The following TMEM135 variants were observed in gnomAD, a reference collection of about 807,000 sequenced individuals.
The protein encoded by TMEM135 is peroxisomal membrane protein 52.
In TMEM135, 30 loss-of-function variants were observed where a neutral mutation model predicts 60.3. That is an observed-to-expected ratio of 0.50 (90% confidence interval 0.37 to 0.68). The LOEUF (loss-of-function observed/expected upper bound fraction) is 0.68. Among genes scored for constraint, TMEM135 ranks in the 30% least tolerant of loss-of-function variants. The probability of loss-of-function intolerance (pLI) is 0.00; values close to 1 mark genes in which losing one functional copy is unlikely to be tolerated. For missense variants in TMEM135, 468 were observed against 548.8 expected (o/e 0.85, Z 1.47); for synonymous variants, 190 against 186.7 (o/e 1.02, Z -0.14).
chr11:87,222,181 C>CAAA (rs386374401), intron 5 of TMEM135, among the ~76,000 whole-genome samples: 4,814 of 55,276 alleles, frequency 0.087, 457 homozygotes, highest in East Asian at 0.18. Flanking sequence ...GACTCTGTCT[C>CAAA]AAAAAAAAAA....
At chr11:87,319,417 G>A in intron 14 of TMEM135, 40 bp downstream of exon 14, 1 of 1,425,486 alleles carries the variant, frequency 7.0e-7, no homozygotes, top group East Asian at 2.3e-5. Context: ...ATTATGAGTG[G>A]TTTTATCTTT....
intron 4 of TMEM135, among the ~76,000 whole-genome samples, chr11:87,135,618 A>C (rs1016100108): frequency 6.6e-5 from 10 of 151,892 alleles, no homozygotes; most frequent in African/African-American, 1.9e-4. Context: ...TTTAAACCCA[A>C]ACCATGCGGT....
intron 6 of TMEM135, among the ~76,000 whole-genome samples, chr11:87,279,815 C>G (rs1029222905): frequency 2.0e-5 from 3 of 152,194 alleles, no homozygotes; most frequent in South Asian, 4.1e-4. Context: ...CACATACACA[C>G]AGAACAATAT....
At chr11:87,166,186 T>C (rs919503750) in intron 5 of TMEM135, among the ~76,000 whole-genome samples, 4 of 151,820 alleles carry the variant, frequency 2.6e-5, no homozygotes, top group Non-Finnish European at 5.9e-5. Context: ...TTTTTTCTTG[T>C]AAATTTATTT....
At chr11:87,245,949 A>G (rs1425677063) in intron 6 of TMEM135, among the ~76,000 whole-genome samples, 4 of 115,702 alleles carry the variant, frequency 3.5e-5, no homozygotes, top group African/African-American at 6.7e-5. Flanking sequence ...CCTAGCCTCA[A>G]TGGTCTTTAC....
intron 6 of TMEM135, among the ~76,000 whole-genome samples, chr11:87,265,306 C>T (rs921185555): frequency 5.9e-5 from 9 of 151,870 alleles, no homozygotes; most frequent in African/African-American, 2.2e-4. Context: ...TATTTTCTGG[C>T]CCATTCATTA....
rs1426114986 is a variant in TMEM135 at position 87,047,913 on chromosome 11, CT to C, written c.141+9728del. 2.8e-4 allele frequency among the ~76,000 whole-genome samples: 31 copies of C among 111,074 alleles called. 2 individuals are homozygous for C. The highest frequency in any genetic ancestry group is 9.1e-4 in the South Asian group (3 of 3,284). 72.9% of individuals were successfully genotyped at this position (111,074 alleles called of 152,430 possible). On this transcript the variant is annotated intron_variant, in intron 1 of 14. Coordinates refer to ENST00000305494, the MANE Select transcript of TMEM135 (RefSeq NM_022918.4). ...GTAACCTCTGCAGACTTAAGTGTCC[CT>C]GTCTGACAGCTTTGAAGAGAGCAGT... is the stretch of plus-strand genomic sequence containing the variant.
chr11:87,123,158 T>C (rs372766535), intron 4 of TMEM135, among the ~76,000 whole-genome samples: 20 of 152,232 alleles, frequency 1.3e-4, no homozygotes, highest in African/African-American at 3.9e-4. Context: ...GTTAGTCTTC[T>C]AGGGCTGCTG....
rs1393606194 is a variant in TMEM135 at position 87,287,609 on chromosome 11, G to A, written c.510-8173G>A. ...GGAGAATCGCTTGAACCCAGGAGGC[G>A]GAGATTGCAGTGAGCTGAGATCACA... On this transcript the variant is annotated intron_variant, in intron 6 of 14. Transcript: ENST00000305494. Among the ~76,000 whole-genome samples the A allele has an allele frequency of 1.4e-4, 21 of 152,138 alleles. 1 individual carries two copies. Among genetic ancestry groups the A allele is most frequent in the Admixed American group, 1.1e-3 (17 of 15,290 alleles).
At chr11:87,253,846 T>C (rs1941470735) in intron 6 of TMEM135, among the ~76,000 whole-genome samples, 1 of 151,884 alleles carries the variant, frequency 6.6e-6, no homozygotes, top group Admixed American at 6.6e-5. Flanking sequence ...AGTAAATTTG[T>C]TTCATGTTTT....
At chr11:87,206,338 C>G (rs1486051923) in intron 5 of TMEM135, among the ~76,000 whole-genome samples, 1 of 152,032 alleles carries the variant, frequency 6.6e-6, no homozygotes, top group Non-Finnish European at 1.5e-5. Context: ...TCATATATAA[C>G]ATGTTATAAT....
intron 5 of TMEM135, among the ~76,000 whole-genome samples, chr11:87,170,775 T>C (rs1939215312): frequency 6.6e-6 from 1 of 152,110 alleles, no homozygotes; most frequent in African/African-American, 2.4e-5. Context: ...GGTCAAGGAC[T>C]CACTTGAGGA....
intron 4 of TMEM135, among the ~76,000 whole-genome samples, chr11:87,135,662 G>A (rs1938076905): frequency 6.6e-6 from 1 of 151,930 alleles, no homozygotes; most frequent in Non-Finnish European, 1.5e-5. Flanking sequence ...AACTGTAGCA[G>A]TCATGTAGTA....
chr11:87,076,395 G>C (rs937893196), intron 3 of TMEM135, among the ~76,000 whole-genome samples: 5 of 152,218 alleles, frequency 3.3e-5, no homozygotes, highest in African/African-American at 1.2e-4. Flanking sequence ...TCAGCCTGTA[G>C]TAAATGCTGC....
intron 5 of TMEM135, among the ~76,000 whole-genome samples, chr11:87,173,615 A>G (rs912426768): frequency 2.6e-5 from 4 of 152,202 alleles, no homozygotes; most frequent in African/African-American, 7.2e-5. Flanking sequence ...CTGCCACAAA[A>G]TAAGCCTATT....
chr11:87,064,931 G>C (rs1372728211), intron 1 of TMEM135, among the ~76,000 whole-genome samples: 17 of 151,726 alleles, frequency 1.1e-4, no homozygotes, highest in African/African-American at 4.1e-4. Flanking sequence ...GAATCATACA[G>C]TATGTAGCTT....
chr11:87,191,957 C>G (rs1591091191), intron 5 of TMEM135, among the ~76,000 whole-genome samples: 1 of 118,864 alleles, frequency 8.4e-6, no homozygotes, highest in African/African-American at 3.2e-5. Flanking sequence ...ACTGGTTTTT[C>G]TATTTCTTTT....
intron 6 of TMEM135, among the ~76,000 whole-genome samples, chr11:87,245,942 A>T (rs1279582235): frequency 9.2e-6 from 1 of 109,260 alleles, no homozygotes; most frequent in African/African-American, 3.5e-5. Flanking sequence ...ATTTCTTCCT[A>T]GCCTCAATGG....
rs761853070 is a variant in TMEM135, at chr11:87,321,415, C to G, written c.*82C>G. The G allele has an allele frequency of 1.4e-6, 2 of 1,467,450 alleles. No homozygotes were observed. Among genetic ancestry groups the G allele is most frequent in the South Asian group, 2.3e-5 (2 of 88,072 alleles). The allele number at this position is 1,467,450 out of a possible 1,614,324, so 90.9% of individuals were successfully genotyped here. A position where few individuals can be genotyped will look rare whatever the true frequency, so the allele number is the denominator to read the frequency against. ...TTGAACACAAAGGAGGGGGCCCAAG[C>G]TCGAACTTCAGTGTTATTTCAGTTA... On this transcript the variant is annotated 3_prime_UTR_variant, in exon 15 of 15. Coordinates refer to ENST00000305494, the MANE Select transcript of TMEM135 (RefSeq NM_022918.4).
Sources: allele counts gnomAD v4.1 joint callset (sites outside exome capture counted in the v4.1 genomes callset), GRCh38; gene constraint gnomAD v4.1.1; transcripts MANE v1.5; gene names NCBI Gene and HGNC (gene_info 2026-07-23, HGNC 2026-07-21).